Variants in B4GALT6 observed in about 807,000 individuals in gnomAD.
B4GALT6 encodes UDP-Gal:beta-GlcNAc beta-1,4-galactosyltransferase 6.
B4GALT6 carries 14 observed loss-of-function variants against 46.3 expected under a neutral mutation model. The ratio of observed to expected loss-of-function variants is 0.30; its 90% CI spans 0.20 to 0.47. The LOEUF (loss-of-function observed/expected upper bound fraction) is 0.47. Ranked by LOEUF, B4GALT6 falls within the 20% of genes least tolerant of loss-of-function variation. The pLI, the probability that B4GALT6 is intolerant of heterozygous loss-of-function variation, is 0.99. For missense variants in B4GALT6, 386 were observed against 480.1 expected (o/e 0.80, Z 1.83); for synonymous variants, 168 against 162.0 (o/e 1.04, Z -0.28).
chr18:31,670,684 T>C (rs2074341518), intron 1 of B4GALT6, among the ~76,000 whole-genome samples: 1 of 152,262 alleles, frequency 6.6e-6, no homozygotes, highest in Admixed American at 6.5e-5. Context: ...TCCAATTGTC[T>C]GCTTTCCAAA....
chr18:31,682,421 T>C (rs2074490398), intron 1 of B4GALT6, among the ~76,000 whole-genome samples: 1 of 152,246 alleles, frequency 6.6e-6, no homozygotes, highest in Admixed American at 6.5e-5. Context: ...TTATCATTTA[T>C]AAGACCTACA....
chr18:31,721,703 T>C, the B4GALT6 span, among the ~76,000 whole-genome samples: 1 of 152,186 alleles, frequency 6.6e-6, no homozygotes, highest in Non-Finnish European at 1.5e-5. Flanking sequence ...GGCTGAAACA[T>C]AGGTGTCTTT....
rs1263972203 is a variant in B4GALT6, at chr18:31,625,626, G to A, written c.1137C>T (p.Ile379=). 6 of 1,613,124 alleles carry A rather than the reference G, an allele frequency of 3.7e-6. No individual in the cohort carries two copies. The highest frequency in any genetic ancestry group is 3.3e-5 in the South Asian group (3 of 90,902). ...ACAGCCACTTCTTTTAATAGTCTTC[G>A]ATTGGAGCTAACTCTGGCATGAGGT... ...SVNLMPELAP[I]EDY The change falls in exon 9 of 9, where the codon ATC becomes ATT. Residue 379 remains isoleucine, a synonymous_variant. Coordinates refer to ENST00000306851, the MANE Select transcript of B4GALT6 (RefSeq NM_004775.5).
At chr18:31,689,129 A>G (rs1034695857), upstream of B4GALT6, among the ~76,000 whole-genome samples, 4 of 152,192 alleles carry the variant, frequency 2.6e-5, no homozygotes, top group Non-Finnish European at 5.9e-5. Context: ...CGAGAAAATT[A>G]ATGGATGGTG....
chr18:31,628,216 C>G (rs1302232492), intron 6 of B4GALT6, among the ~76,000 whole-genome samples: 1 of 152,170 alleles, frequency 6.6e-6, no homozygotes, highest in Non-Finnish European at 1.5e-5. Flanking sequence ...GACAACCATA[C>G]TCTCCTGAGA....
rs764552086 is a variant in B4GALT6 at position 31,684,437 on chromosome 18, C to T, written c.-11G>A. ...CCTGAGCACAGACATCTTCCTCTTCCCTGCCAGCAGCCCAGGCTGCGCTCT... is the reference window on the plus strand; with the variant it reads ...CCTGAGCACAGACATCTTCCTCTTCTCTGCCAGCAGCCCAGGCTGCGCTCT... On this transcript the variant is annotated 5_prime_UTR_variant, in exon 1 of 9. Transcript: ENST00000306851. The T allele has an allele frequency of 6.2e-6, 10 of 1,612,250 alleles. No homozygotes were observed. Among genetic ancestry groups the T allele is most frequent in the Non-Finnish European group, 8.5e-6 (10 of 1,179,178 alleles).
upstream of B4GALT6, among the ~76,000 whole-genome samples, chr18:31,684,991 G>A (rs1317175889): frequency 2.7e-5 from 4 of 146,910 alleles, no homozygotes; most frequent in Non-Finnish European, 4.5e-5. Flanking sequence ...TAGCGTGGGC[G>A]CCGGGGCCGC....
At chr18:31,633,547 T>C (rs947276159) in intron 5 of B4GALT6, among the ~76,000 whole-genome samples, 1 of 152,236 alleles carries the variant, frequency 6.6e-6, no homozygotes, top group Non-Finnish European at 1.5e-5. Flanking sequence ...GAAGGTTTTA[T>C]GTAGAAGAGT....
chr18:31,688,435 TATG>T (rs1265414052), upstream of B4GALT6, among the ~76,000 whole-genome samples: 1 of 151,860 alleles, frequency 6.6e-6, no homozygotes, highest in African/African-American at 2.4e-5. Context: ...TCAGAACAAA[TATG>T]ATCACTTTAA....
chr18:31,720,961 C>A, the B4GALT6 span, among the ~76,000 whole-genome samples: 2 of 152,182 alleles, frequency 1.3e-5, no homozygotes, highest in African/African-American at 4.8e-5. Context: ...TGTTTTCAAA[C>A]AGAGAATGTT....
chr18:31,658,261 A>C, intron 2 of B4GALT6, 172 bp from the exon 3 acceptor site: 1 of 528,946 alleles, frequency 1.9e-6, no homozygotes, highest in Non-Finnish European at 3.4e-6. Context: ...CGGGGAACAG[A>C]CCTCTCAGCA....
At chr18:31,696,905 G>A in the B4GALT6 span, among the ~76,000 whole-genome samples, 4 of 152,078 alleles carry the variant, frequency 2.6e-5, no homozygotes, top group Non-Finnish European at 4.4e-5. Flanking sequence ...GTCCAAGCTC[G>A]TACCACTCAC....
At chr18:31,647,206 T>C (rs2074001468) in intron 3 of B4GALT6, among the ~76,000 whole-genome samples, 1 of 152,244 alleles carries the variant, frequency 6.6e-6, no homozygotes, top group Non-Finnish European at 1.5e-5. Context: ...GCAGTTCATA[T>C]AAGTAACTGA....
intron 1 of B4GALT6, among the ~76,000 whole-genome samples, chr18:31,673,812 AT>A (rs1300700874): frequency 6.6e-6 from 1 of 152,142 alleles, no homozygotes. Flanking sequence ...TCCAGATGCA[AT>A]TAAGCTAAGG....
intron 2 of B4GALT6, 96 bp from the exon 3 acceptor site, chr18:31,658,185 A>G (rs62093517): frequency 1.2e-6 from 1 of 834,896 alleles, no homozygotes; most frequent in Non-Finnish European, 1.9e-6. Context: ...GAAAACTACA[A>G]TATACAATCT....
intron 3 of B4GALT6, among the ~76,000 whole-genome samples, chr18:31,655,142 G>A (rs374735250): frequency 3.3e-5 from 5 of 152,190 alleles, no homozygotes; most frequent in Admixed American, 6.5e-5. Flanking sequence ...TCCACTTTGC[G>A]GAGGTCACAG....
intron 5 of B4GALT6, among the ~76,000 whole-genome samples, chr18:31,634,618 T>C (rs2073834903): frequency 6.6e-6 from 1 of 152,226 alleles, no homozygotes; most frequent in Non-Finnish European, 1.5e-5. Flanking sequence ...AGTTTTCTTC[T>C]TTCACTCTCA....
At chr18:31,673,900 G>A (rs918780610) in intron 1 of B4GALT6, among the ~76,000 whole-genome samples, 1 of 151,878 alleles carries the variant, frequency 6.6e-6, no homozygotes, top group Non-Finnish European at 1.5e-5. Flanking sequence ...CTAAGAGAAA[G>A]GTAGAGATTT....
intron 1 of B4GALT6, among the ~76,000 whole-genome samples, chr18:31,666,719 TAC>T (rs2074287271): frequency 6.6e-6 from 1 of 152,198 alleles, no homozygotes; most frequent in Non-Finnish European, 1.5e-5. Flanking sequence ...TGCTCAATCC[TAC>T]AGTTACAAAA....
Sources: allele counts gnomAD v4.1 joint callset (sites outside exome capture counted in the v4.1 genomes callset), GRCh38; gene constraint gnomAD v4.1.1; transcripts MANE v1.5; gene names NCBI Gene and HGNC (gene_info 2026-07-23, HGNC 2026-07-21).